Variants in MAN1A2 observed in about 807,000 individuals in gnomAD.
The protein encoded by MAN1A2 is mannosidase alpha class 1A member 2.
Under a neutral mutation model 75.7 loss-of-function variants are expected in MAN1A2, and 26 were observed. The ratio of observed to expected loss-of-function variants is 0.34; its 90% CI spans 0.25 to 0.48. The LOEUF is 0.48. Ranked by LOEUF, MAN1A2 falls within the 20% of genes least tolerant of loss-of-function variation. The probability of loss-of-function intolerance (pLI) is 0.99; values close to 1 mark genes in which losing one functional copy is unlikely to be tolerated. For synonymous variants in MAN1A2, 247 were observed against 264.6 expected (o/e 0.93, Z 0.65); for missense variants, 562 against 775.5 (o/e 0.72, Z 3.27).
At chr1:117,397,144 T>C (rs549082856) in intron 1 of MAN1A2, among the ~76,000 whole-genome samples, 1 of 152,310 alleles carries the variant, frequency 6.6e-6, no homozygotes, top group South Asian at 2.1e-4. Context: ...AGTCTTTTCT[T>C]GCCCTCTAGT....
intron 6 of MAN1A2, among the ~76,000 whole-genome samples, chr1:117,446,565 T>C (rs1649242734): frequency 6.6e-6 from 1 of 152,176 alleles, no homozygotes; most frequent in Non-Finnish European, 1.5e-5. Flanking sequence ...TATAATTGTG[T>C]GGTTCAATTG....
At chr1:117,467,775 G>T (rs1221639440) in intron 8 of MAN1A2, among the ~76,000 whole-genome samples, 2 of 152,018 alleles carry the variant, frequency 1.3e-5, no homozygotes, top group East Asian at 1.9e-4. Flanking sequence ...TTACCCCTGT[G>T]AGTTGTATTG....
rs12085580 is a variant in MAN1A2 at position 117,416,643 on chromosome 1, G to A, written c.774+1812G>A. Among the ~76,000 whole-genome samples, 573 of 152,130 alleles carry A rather than the reference G, an allele frequency of 3.8e-3. 7 individuals carry two copies. The highest frequency in any genetic ancestry group is 0.013 in the African/African-American group (544 of 41,504). Reference sequence around the variant, plus strand: ...ATCCAACTAATGGGGAACCAAAAAGGCAAAAAGAGAGCATTGTGATATCAC... The same window carrying A: ...ATCCAACTAATGGGGAACCAAAAAGACAAAAAGAGAGCATTGTGATATCAC... On this transcript the variant is annotated intron_variant, in intron 4 of 12. Transcript: ENST00000356554.
intron 6 of MAN1A2, among the ~76,000 whole-genome samples, chr1:117,458,521 A>ATC (rs1409683905): frequency 1.7e-4 from 16 of 94,306 alleles, no homozygotes; most frequent in Non-Finnish European, 2.9e-4. Flanking sequence ...AGATATATAT[A>ATC]TATTTTTTTT....
intron 12 of MAN1A2, among the ~76,000 whole-genome samples, chr1:117,517,761 C>A (rs763549590): frequency 7.9e-5 from 12 of 151,994 alleles, no homozygotes; most frequent in Non-Finnish European, 1.2e-4. Context: ...AAAAAACTTT[C>A]CAAACTTGAT....
At chr1:117,396,780 T>C (rs1653915683) in intron 1 of MAN1A2, among the ~76,000 whole-genome samples, 3 of 152,346 alleles carry the variant, frequency 2.0e-5, no homozygotes, top group Non-Finnish European at 2.9e-5. Context: ...ATTGAAATTA[T>C]TGACTTACAT....
chr1:117,487,983 A>G (rs926799914), intron 8 of MAN1A2, among the ~76,000 whole-genome samples: 2 of 152,102 alleles, frequency 1.3e-5, no homozygotes, highest in Admixed American at 1.3e-4. Context: ...TAATGTAAGT[A>G]TGATGAGTAT....
chr1:117,420,072 T>C (rs1281449036), intron 4 of MAN1A2, among the ~76,000 whole-genome samples: 1 of 152,134 alleles, frequency 6.6e-6, no homozygotes, highest in Non-Finnish European at 1.5e-5. Context: ...AACATTATTA[T>C]TGAATAATCC....
chr1:117,465,608 C>T (rs1318525671), intron 7 of MAN1A2, among the ~76,000 whole-genome samples: 1 of 152,098 alleles, frequency 6.6e-6, no homozygotes, highest in Non-Finnish European at 1.5e-5. Context: ...GGTTATTCAT[C>T]AAATGTAATG....
chr1:117,443,499 A>G (rs1186076844), intron 6 of MAN1A2, among the ~76,000 whole-genome samples: 4 of 152,284 alleles, frequency 2.6e-5, no homozygotes, highest in Non-Finnish European at 5.9e-5. Flanking sequence ...ATCAGACATT[A>G]TTATCTACTT....
At position 117,528,465 on chromosome 1, in the gene MAN1A2, A is replaced by G. The variant is rs1451160429; in HGVS notation, c.*5508A>G. The G allele has an allele frequency of 1.3e-5, 2 of 152,082 alleles. No individual in the cohort carries two copies. The highest frequency in any genetic ancestry group is 2.9e-5 in the Non-Finnish European group (2 of 67,984). The allele number at this position is 152,082 out of a possible 1,614,324, so 9.4% of individuals were successfully genotyped here. A position where few individuals can be genotyped will look rare whatever the true frequency, so the allele number is the denominator to read the frequency against. On this transcript the variant is annotated 3_prime_UTR_variant, in exon 13 of 13. Coordinates refer to ENST00000356554, the MANE Select transcript of MAN1A2 (RefSeq NM_006699.5). The stretch of plus-strand genomic sequence containing the variant: ...CAAACACACACACCTATACACATAC[A>G]TATTAATATGCAGAGGATTTTAAAT...
At chr1:117,477,744 T>C (rs1322530880) in intron 8 of MAN1A2, among the ~76,000 whole-genome samples, 1 of 152,034 alleles carries the variant, frequency 6.6e-6, no homozygotes, top group African/African-American at 2.4e-5. Context: ...ATGCCCTCTC[T>C]CACTACTCCC....
intron 8 of MAN1A2, among the ~76,000 whole-genome samples, chr1:117,492,502 G>A (rs2101872875): frequency 6.6e-6 from 1 of 152,172 alleles, no homozygotes; most frequent in Admixed American, 6.6e-5. Flanking sequence ...GACTCACTTT[G>A]TTGCAATATT....
At chr1:117,368,730 T>C (rs1003961822) in intron 1 of MAN1A2, among the ~76,000 whole-genome samples, 2 of 152,106 alleles carry the variant, frequency 1.3e-5, no homozygotes, top group African/African-American at 4.8e-5. Flanking sequence ...TTCGGTTTTA[T>C]ATAAGAAAAA....
intron 1 of MAN1A2, among the ~76,000 whole-genome samples, chr1:117,396,525 G>T (rs1168716636): frequency 6.6e-6 from 1 of 152,112 alleles, no homozygotes; most frequent in Non-Finnish European, 1.5e-5. Flanking sequence ...AAAACCCCCA[G>T]CTGGAGTAAT....
chr1:117,457,641 A>G (rs1228613808), intron 6 of MAN1A2, among the ~76,000 whole-genome samples: 1 of 152,120 alleles, frequency 6.6e-6, no homozygotes, highest in African/African-American at 2.4e-5. Flanking sequence ...GAGAATGGCA[A>G]ACTGTTGGAC....
At chr1:117,499,108 C>T (rs1284748167) in intron 10 of MAN1A2, among the ~76,000 whole-genome samples, 2 of 151,818 alleles carry the variant, frequency 1.3e-5, no homozygotes, top group Non-Finnish European at 2.9e-5. Flanking sequence ...GATTACTAGA[C>T]TCTTTTTGGT....
intron 5 of MAN1A2, among the ~76,000 whole-genome samples, chr1:117,429,467 C>T (rs1648506473): frequency 1.7e-5 from 2 of 115,496 alleles, no homozygotes; most frequent in Admixed American, 8.1e-5. Flanking sequence ...GAGGGGGCGG[C>T]TGGCCGGGCG....
At chr1:117,474,122 G>A (rs1293176730) in intron 8 of MAN1A2, among the ~76,000 whole-genome samples, 1 of 151,962 alleles carries the variant, frequency 6.6e-6, no homozygotes, top group Non-Finnish European at 1.5e-5. Flanking sequence ...GGTCTTGAAT[G>A]GTTGGACAAG....
Sources: allele counts gnomAD v4.1 joint callset (sites outside exome capture counted in the v4.1 genomes callset), GRCh38; gene constraint gnomAD v4.1.1; transcripts MANE v1.5; gene names NCBI Gene and HGNC (gene_info 2026-07-23, HGNC 2026-07-21).